EXTL3: variants seen among roughly 807,000 people sequenced by gnomAD.
The protein encoded by EXTL3 is exostosin-like 3.
A neutral mutation model predicts 69.3 loss-of-function variants in EXTL3; 27 were observed. The ratio of observed to expected loss-of-function variants is 0.39; its 90% CI spans 0.29 to 0.54. EXTL3 has a LOEUF of 0.54. EXTL3 is among the 20% of genes least tolerant of loss of function. The pLI, the probability that EXTL3 is intolerant of heterozygous loss-of-function variation, is 0.69. For missense variants in EXTL3, 1,003 were observed against 1,231.8 expected (o/e 0.81, Z 2.78); for synonymous variants, 511 against 499.4 (o/e 1.02, Z -0.31).
chr8:28,683,229 A>G (rs1348330641), intron 1 of EXTL3, among the ~76,000 whole-genome samples: 2 of 152,096 alleles, frequency 1.3e-5, no homozygotes, highest in Non-Finnish European at 2.9e-5. Context: ...TTGGCTATTC[A>G]GGGTCTTTTG....
chr8:28,713,332 A>G (rs1343245994), intron 1 of EXTL3, 125 bp from the exon 2 acceptor site: 5 of 584,066 alleles, frequency 8.6e-6, no homozygotes, highest in Non-Finnish European at 1.5e-5. Flanking sequence ...GACCTCATGT[A>G]CATAAGAGAA....
At chr8:28,695,163 CTT>C (rs987674316) in intron 1 of EXTL3, among the ~76,000 whole-genome samples, 6 of 140,076 alleles carry the variant, frequency 4.3e-5, no homozygotes, top group East Asian at 2.1e-4. Flanking sequence ...GAGTTTTGCT[CTT>C]GTCACTCAGG....
chr8:28,680,573 G>C (rs1807469670), intron 1 of EXTL3, among the ~76,000 whole-genome samples: 1 of 152,020 alleles, frequency 6.6e-6, no homozygotes, highest in East Asian at 1.9e-4. Flanking sequence ...ACTTATTTGT[G>C]TGTGTGTGTG....
rs771552753 is a variant in EXTL3 at position 28,734,936 on chromosome 8, G to C, written c.2277-2583G>C. On this transcript the variant is annotated intron_variant, in intron 4 of 6. Transcript: ENST00000220562. ...TTGCTCATCTGTCTTAAATCCATCT[G>C]TAAAGAATGATTTGACACATTTCTG... is the stretch of plus-strand genomic sequence containing the variant. Among the ~76,000 whole-genome samples the C allele has an allele frequency of 9.5e-4, 144 of 152,270 alleles. 1 individual carries two copies. Among genetic ancestry groups the C allele is most frequent in the Non-Finnish European group, 1.7e-3 (118 of 68,034 alleles).
rs1486238677 is a variant in EXTL3, at chr8:28,754,424, C to A, written c.*3558C>A. 7.1e-6 allele frequency: 1 copy of A among 141,604 alleles called. No individual in the cohort carries two copies. Among genetic ancestry groups the A allele is most frequent in the Non-Finnish European group, 1.6e-5 (1 of 64,382 alleles). 8.8% of individuals were successfully genotyped at this position (141,604 alleles called of 1,614,324 possible). A position where few individuals can be genotyped will look rare whatever the true frequency, so the allele number is the denominator to read the frequency against. On this transcript the variant is annotated 3_prime_UTR_variant, in exon 7 of 7. Coordinates refer to ENST00000220562, the MANE Select transcript of EXTL3 (RefSeq NM_001440.4). ...ATGGGTGAGACTTAACAGTCGGTGT[C>A]CCTCCTCAAGTGGGGTTCACGACTG...
chr8:28,624,945 T>G (rs1806469239), intron 1 of EXTL3, among the ~76,000 whole-genome samples: 1 of 152,344 alleles, frequency 6.6e-6, no homozygotes, highest in Admixed American at 6.5e-5. Flanking sequence ...CAGCATCAAC[T>G]GTGAATACAC....
intron 1 of EXTL3, among the ~76,000 whole-genome samples, chr8:28,666,683 C>T (rs1189433073): frequency 2.0e-5 from 3 of 152,186 alleles, no homozygotes; most frequent in Non-Finnish European, 4.4e-5. Flanking sequence ...TCAAGTGATT[C>T]TTGTGCCTCA....
At chr8:28,622,125 G>T (rs1290145022), upstream of EXTL3, among the ~76,000 whole-genome samples, 2 of 152,172 alleles carry the variant, frequency 1.3e-5, no homozygotes, top group African/African-American at 4.8e-5. Flanking sequence ...AAAACGACGC[G>T]TGCAGGTTTC....
intron 1 of EXTL3, among the ~76,000 whole-genome samples, chr8:28,625,503 T>A (rs930167882): frequency 6.6e-6 from 1 of 152,226 alleles, no homozygotes; most frequent in African/African-American, 2.4e-5. Context: ...AGTCATGTAA[T>A]GTGAGGTTAT....
intron 3 of EXTL3, among the ~76,000 whole-genome samples, chr8:28,724,831 T>G (rs768956792): frequency 6.6e-6 from 1 of 152,066 alleles, no homozygotes; most frequent in Admixed American, 6.6e-5. Flanking sequence ...GATGTAGTCC[T>G]CTTTCTATCA....
chr8:28,716,567 C>T lies in EXTL3; in HGVS notation c.508C>T (p.Pro170Ser). 6.2e-7 allele frequency: 1 copy of T among 1,614,174 alleles called. No individual in the cohort carries two copies. Among genetic ancestry groups the T allele is most frequent in the Non-Finnish European group, 8.5e-7 (1 of 1,180,042 alleles). The stretch of plus-strand genomic sequence containing the variant: ...AGAGAAGGACGATGCCGGCCTCCCT[C>T]CCCCGAAGGCCACTCGGGGCTGCCG... Reference protein sequence around the residue: ...LPEKDDAGLPPPKATRGCRLH... With the variant: ...LPEKDDAGLPSPKATRGCRLH... The change falls in exon 3 of 7, where the codon CCC (proline) becomes TCC (serine). Residue 170 changes from proline to serine, a missense_variant. By Grantham distance (74) the Pro-to-Ser change is moderately conservative. Transcript: ENST00000220562. This position sits in a 1 kb window ranked among gnomAD's most constrained non-coding sequence, Gnocchi z 7.1.
At chr8:28,617,117 T>C (rs192558336) in intron 2 of EXTL3, among the ~76,000 whole-genome samples, 1 of 152,278 alleles carries the variant, frequency 6.6e-6, no homozygotes, top group Non-Finnish European at 1.5e-5. Context: ...GTCTGTGGGA[T>C]GATTTGAGGA....
At chr8:28,702,755 A>T (rs1484416247) in intron 1 of EXTL3, among the ~76,000 whole-genome samples, 1 of 152,078 alleles carries the variant, frequency 6.6e-6, no homozygotes. Context: ...ATTTCTTGTC[A>T]CTTTGTCCTA....
At chr8:28,664,687 T>G (rs1309721907) in intron 1 of EXTL3, among the ~76,000 whole-genome samples, 2 of 152,326 alleles carry the variant, frequency 1.3e-5, no homozygotes, top group African/African-American at 4.8e-5. Context: ...TTCCATTGTC[T>G]TCCAGCAACC....
intron 1 of EXTL3, among the ~76,000 whole-genome samples, chr8:28,691,596 CCTA>C (rs1800614877): frequency 2.4e-5 from 2 of 82,228 alleles, no homozygotes; most frequent in African/African-American, 8.0e-5. Flanking sequence ...CTATTGTGTT[CCTA>C]CTAATATGTA....
chr8:28,634,345 T>A (rs1806619027), intron 1 of EXTL3, among the ~76,000 whole-genome samples: 1 of 152,052 alleles, frequency 6.6e-6, no homozygotes, highest in Admixed American at 6.6e-5. Context: ...TTGTCAGGAC[T>A]CCCCTCCTGA....
intron 1 of EXTL3, among the ~76,000 whole-genome samples, chr8:28,638,683 G>A (rs1437085080): frequency 1.3e-5 from 2 of 152,226 alleles, no homozygotes; most frequent in African/African-American, 4.8e-5. Context: ...CCAGGCTAGA[G>A]TGCAGTGGTG....
At chr8:28,676,476 G>T (rs187548332) in intron 1 of EXTL3, among the ~76,000 whole-genome samples, 203 of 152,306 alleles carry the variant, frequency 1.3e-3, no homozygotes, top group African/African-American at 4.7e-3. Flanking sequence ...GTGGGTTTAG[G>T]AGATACTAAG....
intron 4 of EXTL3, 71 bp from the exon 5 acceptor site, chr8:28,737,448 A>G: frequency 1.9e-6 from 3 of 1,551,452 alleles, no homozygotes; most frequent in Admixed American, 3.3e-5. Flanking sequence ...GGTGGAGGCA[A>G]TAACTGTGAA....
Sources: allele counts gnomAD v4.1 joint callset (sites outside exome capture counted in the v4.1 genomes callset), GRCh38; gene constraint gnomAD v4.1.1; non-coding constraint Gnocchi (gnomAD v3.1); transcripts MANE v1.5; gene names NCBI Gene and HGNC (gene_info 2026-07-23, HGNC 2026-07-21).